SORBS2: variants seen among roughly 807,000 people sequenced by gnomAD.
The protein encoded by SORBS2 is sorbin and SH3 domain-containing protein 2.
In SORBS2, 46 loss-of-function variants were observed where a neutral mutation model predicts 97.7. That is an observed-to-expected ratio of 0.47 (90% CI 0.37 to 0.60). The LOEUF is 0.60. SORBS2 is among the 20% of genes least tolerant of loss of function. The pLI, the probability that SORBS2 is intolerant of heterozygous loss-of-function variation, is 0.00. For missense variants in SORBS2, 1,316 were observed against 1,282.3 expected (o/e 1.03, Z -0.40); for synonymous variants, 476 against 473.4 (o/e 1.01, Z -0.07).
chr4:185,751,670 T>G (rs569284153), intron 2 of SORBS2, among the ~76,000 whole-genome samples: 2 of 151,946 alleles, frequency 1.3e-5, no homozygotes, highest in Non-Finnish European at 2.9e-5. Flanking sequence ...CACGTACACA[T>G]GAACGAAAGA....
At chr4:185,929,661 G>T (rs373121011) in intron 1 of SORBS2, among the ~76,000 whole-genome samples, 1 of 151,506 alleles carries the variant, frequency 6.6e-6, no homozygotes, top group African/African-American at 2.4e-5. Flanking sequence ...TCAGCCTCCC[G>T]AATAGCTGGG....
Position 185,607,198 on chromosome 4 carries a change from A to G in SORBS2, c.2796+4582T>C. On this transcript the variant is annotated intron_variant, in intron 12 of 14. Coordinates refer to ENST00000418609, the Ensembl canonical transcript of SORBS2. This position sits in a 1 kb window ranked among gnomAD's most constrained non-coding sequence, Gnocchi z 5.2. The stretch of plus-strand genomic sequence containing the variant: ...CTCCAATTCACCCAAGAAGTTGTCC[A>G]GGAAACGAGGTGGTGTTGGGGCCAA... 1 of 1,137,956 alleles carries G rather than the reference A, an allele frequency of 8.8e-7. No homozygotes were observed. Among genetic ancestry groups the G allele is most frequent in the Non-Finnish European group, 1.1e-6 (1 of 916,782 alleles). 70.5% of individuals were successfully genotyped at this position (1,137,956 alleles called of 1,614,324 possible). A position where few individuals can be genotyped will look rare whatever the true frequency, so the allele number is the denominator to read the frequency against.
chr4:185,856,661 A>C (rs72707639), intron 1 of SORBS2, among the ~76,000 whole-genome samples: 35,103 of 152,136 alleles, frequency 0.23, 4,528 homozygotes, highest in Middle Eastern at 0.34. Flanking sequence ...CCCCAAATTC[A>C]TATGTTGATG....
chr4:185,724,162 G>GGTTTCTTAACCTACCTCTT lies in SORBS2; in HGVS notation c.-197-45359_-197-45341dup. ...GAAGCTTAGTATGAAAAAGATCCAGGGTTTCTTAACCTACCTCTTGTTTCT... is the reference window on the plus strand; with the variant it reads ...GAAGCTTAGTATGAAAAAGATCCAGGGTTTCTTAACCTACCTCTTGTTTCTTAACCTACCTCTTGTTTCT... On this transcript the variant is annotated intron_variant, in intron 2 of 20. Coordinates refer to the SORBS2 transcript ENST00000284776. 1.3e-5 allele frequency among the ~76,000 whole-genome samples: 2 copies of GGTTTCTTAACCTACCTCTT among 152,068 alleles called. 1 individual carries two copies. The highest frequency in any genetic ancestry group is 6.8e-3 in the Middle Eastern group (2 of 294).
Position 185,696,037 on chromosome 4 carries a change from C to T in SORBS2, c.-197-17215G>A, listed in dbSNP as rs1022529702. On this transcript the variant is annotated intron_variant, in intron 2 of 20. Coordinates refer to the SORBS2 transcript ENST00000284776. ...CTTATTATTCAGGAGCCGAATTACC[C>T]GCGGCATCTATTTATCTATGCTGAG... Among the ~76,000 whole-genome samples, 8 of 152,266 alleles carry T rather than the reference C, an allele frequency of 5.3e-5. No homozygotes were observed. The East Asian group carries it at 5.8e-4, about 11-fold the overall frequency.
intron 1 of SORBS2, among the ~76,000 whole-genome samples, chr4:185,815,012 G>C (rs1240859486): frequency 6.6e-6 from 1 of 152,208 alleles, no homozygotes; most frequent in Non-Finnish European, 1.5e-5. Context: ...GATTTTTCCA[G>C]CCCATCTTTC....
chr4:185,732,082 T>C (rs1245523540), intron 2 of SORBS2, among the ~76,000 whole-genome samples: 1 of 151,846 alleles, frequency 6.6e-6, no homozygotes, highest in Non-Finnish European at 1.5e-5. Context: ...GAAACCTGAT[T>C]TACTACTGAG....
chr4:185,874,882 A>G (rs1263019734), intron 1 of SORBS2, among the ~76,000 whole-genome samples: 2 of 103,424 alleles, frequency 1.9e-5, no homozygotes, highest in Non-Finnish European at 4.5e-5. Context: ...TGCATGCTAC[A>G]GTATATTGTG....
chr4:185,730,610 C>T (rs1408370619), intron 2 of SORBS2, among the ~76,000 whole-genome samples: 2 of 152,198 alleles, frequency 1.3e-5, no homozygotes, highest in Non-Finnish European at 2.9e-5. Context: ...TGTAGTTCCT[C>T]CAAGAAAGGA....
chr4:185,841,018 G>T (rs2099211167), intron 1 of SORBS2, among the ~76,000 whole-genome samples: 1 of 152,200 alleles, frequency 6.6e-6, no homozygotes. Flanking sequence ...AGCAAGTCAG[G>T]TGGAAGAGGG....
rs112937331 is a variant in SORBS2, at chr4:185,709,147, T to A, written c.-197-30325A>T. ...ATTCTCCCTGCCTCAACCTCCCAGG[T>A]AGCTGGGATTACAGGCATGCACCAC... On this transcript the variant is annotated intron_variant, in intron 2 of 20. Transcript: ENST00000284776. Among the ~76,000 whole-genome samples the A allele has an allele frequency of 3.0e-3, 461 of 152,282 alleles. 6 individuals are homozygous for A. Among genetic ancestry groups the A allele is most frequent in the African/African-American group, 0.01 (432 of 41,572 alleles).
chr4:185,666,476 C>T (rs773075529), intron 4 of SORBS2, among the ~76,000 whole-genome samples: 26 of 152,112 alleles, frequency 1.7e-4, no homozygotes, highest in Non-Finnish European at 3.2e-4. Flanking sequence ...GTTGGCATAA[C>T]GAAACTGTTT....
intron 4 of SORBS2, among the ~76,000 whole-genome samples, chr4:185,636,532 T>G (rs576471963): frequency 6.6e-6 from 1 of 151,384 alleles, no homozygotes; most frequent in Non-Finnish European, 1.5e-5. Context: ...AATTGGTAGG[T>G]TATTTAAGAG....
At chr4:185,752,336 C>G (rs1456994805) in intron 2 of SORBS2, among the ~76,000 whole-genome samples, 1 of 152,142 alleles carries the variant, frequency 6.6e-6, no homozygotes, top group Non-Finnish European at 1.5e-5. Flanking sequence ...AGTGCAGTGG[C>G]ACGATCTTGG....
chr4:185,902,900 A>T (rs2099248485), intron 1 of SORBS2, among the ~76,000 whole-genome samples: 2 of 152,208 alleles, frequency 1.3e-5, no homozygotes, highest in South Asian at 4.1e-4. Flanking sequence ...AGTAAATAAA[A>T]GCTCTGTTCT....
intron 1 of SORBS2, among the ~76,000 whole-genome samples, chr4:185,801,258 A>G (rs562287703): frequency 9.6e-4 from 146 of 152,236 alleles, no homozygotes; most frequent in African/African-American, 3.3e-3. Flanking sequence ...TATACACCAC[A>G]TTTTCTTTAT....
intron 1 of SORBS2, among the ~76,000 whole-genome samples, chr4:185,829,146 T>A (rs2153673186): frequency 6.6e-6 from 1 of 152,264 alleles, no homozygotes; most frequent in South Asian, 2.1e-4. Flanking sequence ...TTGCTCCAAG[T>A]TTTTTCTAAT....
upstream of SORBS2, among the ~76,000 whole-genome samples, chr4:185,659,405 A>G (rs1332708802): frequency 6.6e-6 from 1 of 151,806 alleles, no homozygotes. Context: ...CATTCAAGCT[A>G]GTCCTTATTT....
At chr4:185,636,395 C>T (rs1237554196) in intron 4 of SORBS2, among the ~76,000 whole-genome samples, 1 of 152,168 alleles carries the variant, frequency 6.6e-6, no homozygotes, top group Non-Finnish European at 1.5e-5. Context: ...GTCTCCTTTG[C>T]AGTTTAATGG....
Sources: allele counts gnomAD v4.1 joint callset (sites outside exome capture counted in the v4.1 genomes callset), GRCh38; gene constraint gnomAD v4.1.1; non-coding constraint Gnocchi (gnomAD v3.1); transcripts MANE v1.5; gene names NCBI Gene and HGNC (gene_info 2026-07-23, HGNC 2026-07-21).